Variants in SNTB2 observed in about 807,000 individuals in gnomAD.
The protein encoded by SNTB2 is beta-2-syntrophin.
SNTB2 carries 34 observed loss-of-function variants against 46.2 expected under a neutral mutation model. That is an observed-to-expected ratio of 0.74 (90% confidence interval 0.56 to 0.98). SNTB2 has a LOEUF of 0.98. Ranked by LOEUF, SNTB2 falls within the 50% of genes least tolerant of loss-of-function variation. SNTB2 has a pLI of 0.00. For synonymous variants in SNTB2, 290 were observed against 312.6 expected, an observed-to-expected ratio of 0.93 and a Z score of 0.76; for missense variants, 603 against 731.4, an observed-to-expected ratio of 0.82 and a Z score of 2.02.
intron 1 of SNTB2, among the ~76,000 whole-genome samples, chr16:69,238,930 C>A (rs978281954): frequency 1.3e-5 from 2 of 152,130 alleles, no homozygotes; most frequent in Non-Finnish European, 2.9e-5. Flanking sequence ...CTTCCTGTTT[C>A]AGAATAAAAG....
At chr16:69,206,733 T>C (rs954005450) in intron 1 of SNTB2, among the ~76,000 whole-genome samples, 7 of 151,780 alleles carry the variant, frequency 4.6e-5, no homozygotes, top group Non-Finnish European at 8.8e-5. Flanking sequence ...TATAAGCCTT[T>C]GTTAATAAGG....
intron 3 of SNTB2, among the ~76,000 whole-genome samples, chr16:69,260,856 G>A (rs1279110225): frequency 6.6e-6 from 1 of 152,136 alleles, no homozygotes; most frequent in Non-Finnish European, 1.5e-5. Context: ...CAATTAGACA[G>A]AGGTACAATT....
intron 5 of SNTB2, among the ~76,000 whole-genome samples, chr16:69,292,130 A>T (rs1965165124): frequency 2.0e-5 from 3 of 149,980 alleles, no homozygotes; most frequent in South Asian, 2.1e-4. Context: ...CCAGCTACTC[A>T]GGAGGTTGAG....
chr16:69,251,713 G>A (rs1033379123), intron 2 of SNTB2, among the ~76,000 whole-genome samples: 1 of 152,118 alleles, frequency 6.6e-6, no homozygotes, highest in African/African-American at 2.4e-5. Context: ...GGTAGGCAGA[G>A]GTTGTGGTGA....
Position 69,301,753 on chromosome 16 carries a change from C to G in SNTB2, c.*829C>G, listed in dbSNP as rs992009855. On this transcript the variant is annotated 3_prime_UTR_variant, in exon 7 of 7. Transcript: ENST00000336278. ...TGAAAATCCTCTTCCTAGGTTAAGC[C>G]ATTTTTTTTATTGCTTACCAAATGT... The G allele has an allele frequency of 6.6e-6, 1 of 152,538 alleles. No individual in the cohort carries two copies. The highest frequency in any genetic ancestry group is 1.5e-5 in the Non-Finnish European group (1 of 68,014). The allele number at this position is 152,538 out of a possible 1,614,324, so 9.4% of individuals were successfully genotyped here.
At chr16:69,287,904 G>A (rs1965120881) in intron 5 of SNTB2, among the ~76,000 whole-genome samples, 1 of 151,580 alleles carries the variant, frequency 6.6e-6, no homozygotes, top group Admixed American at 6.6e-5. Flanking sequence ...GGCCAAGCAC[G>A]GTAGTTCACG....
At position 69,251,213 on chromosome 16, in the gene SNTB2, C is replaced by T. The variant is rs539467931; in HGVS notation, c.794+5398C>T. ...CGGGATGGTCTCGATCTGCTGACCT[C>T]GTGATCTGCCCGCCTCGGCCTCCCA... On this transcript the variant is annotated intron_variant, in intron 2 of 6. Transcript: ENST00000336278. 1.2e-3 allele frequency among the ~76,000 whole-genome samples: 176 copies of T among 151,230 alleles called. 1 individual carries two copies. Among genetic ancestry groups the T allele is most frequent in the African/African-American group, 3.8e-3 (156 of 41,412 alleles).
At chr16:69,252,035 A>C (rs1964732414) in intron 2 of SNTB2, among the ~76,000 whole-genome samples, 1 of 152,234 alleles carries the variant, frequency 6.6e-6, no homozygotes, top group African/African-American at 2.4e-5. Flanking sequence ...ATCCTCACCA[A>C]AAGGTGTCAG....
chr16:69,252,313 A>T (rs575742799), intron 2 of SNTB2, among the ~76,000 whole-genome samples: 91 of 152,296 alleles, frequency 6.0e-4, no homozygotes, highest in Non-Finnish European at 9.4e-4. Flanking sequence ...CACTGGATGC[A>T]TCTTGATGCA....
chr16:69,292,950 T>C (rs191312090), intron 5 of SNTB2, among the ~76,000 whole-genome samples: 7 of 151,788 alleles, frequency 4.6e-5, no homozygotes, highest in Non-Finnish European at 1.5e-5. Flanking sequence ...ATCTGAGAAG[T>C]AGTAGTCAGA....
At chr16:69,208,052 TA>T (rs1247454407) in intron 1 of SNTB2, among the ~76,000 whole-genome samples, 1 of 143,092 alleles carries the variant, frequency 7.0e-6, no homozygotes, top group Admixed American at 7.4e-5. Flanking sequence ...GAGGTTGCAG[TA>T]AGCTGAGATA....
intron 1 of SNTB2, among the ~76,000 whole-genome samples, chr16:69,232,594 C>G (rs1964518677): frequency 6.8e-6 from 1 of 146,982 alleles, no homozygotes. Context: ...TCGTTGCAAC[C>G]TCTGCCTCCC....
At position 69,187,719 on chromosome 16, in the gene SNTB2, C is replaced by A; in HGVS notation, c.553C>A (p.Arg185Ser). 7.7e-7 allele frequency: 1 copy of A among 1,297,688 alleles called. No homozygotes were observed. The highest frequency in any genetic ancestry group is 1.0e-6 in the Non-Finnish European group (1 of 1,003,146). 80.4% of individuals were successfully genotyped at this position (1,297,688 alleles called of 1,614,324 possible). Residue 185 changes from arginine to serine, a missense_variant, in exon 1 of 7, where the codon CGC becomes AGC. By Grantham distance (110) the Arg-to-Ser change is moderately radical. This residue lies in a region of SNTB2 where 537 missense variants were observed against 692.4 expected (regional missense o/e 0.78). Coordinates refer to ENST00000336278, the MANE Select transcript of SNTB2 (RefSeq NM_006750.4). ...THDQAVQALK[R>S]AGKEVLLEVK... ...CGACCAGGCCGTGCAGGCGCTGAAG[C>A]GCGCGGGCAAGGAGGTGCTGCTGGA...
intron 5 of SNTB2, among the ~76,000 whole-genome samples, chr16:69,294,716 G>C (rs1198241258): frequency 1.3e-5 from 2 of 152,066 alleles, no homozygotes; most frequent in Non-Finnish European, 2.9e-5. Flanking sequence ...CTGGGCGACA[G>C]AGCGAGACTC....
chr16:69,284,618 C>CA (rs547686140), intron 5 of SNTB2, among the ~76,000 whole-genome samples: 131 of 151,848 alleles, frequency 8.6e-4, no homozygotes, highest in African/African-American at 3.0e-3. Context: ...TACTAAAACA[C>CA]AAAAAATTAG....
intron 4 of SNTB2, among the ~76,000 whole-genome samples, chr16:69,273,489 C>A (rs1964957241): frequency 6.6e-6 from 1 of 152,166 alleles, no homozygotes; most frequent in African/African-American, 2.4e-5. Flanking sequence ...CAACCACATA[C>A]TGTATTTTTC....
Position 69,299,583 on chromosome 16 carries a change from TC to T in SNTB2, c.1346-6del, listed in dbSNP as rs759938674. 1 of 1,610,832 alleles carries T rather than the reference TC, an allele frequency of 6.2e-7. No individual in the cohort carries two copies. The highest frequency in any genetic ancestry group is 1.7e-5 in the Admixed American group (1 of 59,452). On this transcript the variant is annotated splice_region_variant and splice_polypyrimidine_tract_variant and intron_variant, in intron 5 of 6. Transcript: ENST00000336278. ...TACAACTAATGTTTTTTGCTTTTCT[TC>T]AACAGGCTGCATGTTAAATGGCCAA...
intron 2 of SNTB2, among the ~76,000 whole-genome samples, chr16:69,259,698 G>A (rs1443444817): frequency 6.6e-6 from 1 of 150,802 alleles, no homozygotes; most frequent in Admixed American, 6.7e-5. Flanking sequence ...CCGCCTCCTG[G>A]GGTCAAGCGA....
intron 6 of SNTB2, 54 bp downstream of exon 6, chr16:69,299,828 C>A: frequency 6.5e-7 from 1 of 1,533,884 alleles, no homozygotes; most frequent in South Asian, 1.2e-5. Context: ...CTTTCCTTCT[C>A]ATTACTTCTT....
Sources: gnomAD v4.1 joint callset for allele counts (sites outside exome capture counted in the v4.1 genomes callset) on GRCh38, gnomAD v4.1.1 for gene constraint, gnomAD v4.1.1 regional missense constraint, MANE v1.5 for transcripts, NCBI Gene and HGNC (gene_info 2026-07-23, HGNC 2026-07-21) for gene names.